DMRT1: variants seen among roughly 807,000 people sequenced by gnomAD.
The protein encoded by DMRT1 is doublesex and mab-3 related transcription factor 1.
A neutral mutation model predicts 32.3 loss-of-function variants in DMRT1; 7 were observed. The ratio of observed to expected loss-of-function variants is 0.22; its 90% CI spans 0.12 to 0.41. DMRT1 has a LOEUF of 0.41. DMRT1 is among the 10% of genes least tolerant of loss of function. The pLI, the probability that DMRT1 is intolerant of heterozygous loss-of-function variation, is 1.00. For synonymous variants in DMRT1, 278 were observed against 206.1 expected (o/e 1.35, Z -2.99); for missense variants, 625 against 500.5 (o/e 1.25, Z -2.37).
At chr9:856,870 C>T (rs1228519211) in intron 2 of DMRT1, among the ~76,000 whole-genome samples, 1 of 152,164 alleles carries the variant, frequency 6.6e-6, no homozygotes, top group Non-Finnish European at 1.5e-5. Flanking sequence ...ATGAGGGTTC[C>T]AGAAAATTGA....
chr9:876,142 G>T (rs541699491), intron 2 of DMRT1, among the ~76,000 whole-genome samples: 1 of 152,184 alleles, frequency 6.6e-6, no homozygotes, highest in South Asian at 2.1e-4. Context: ...TTCTTACCTG[G>T]TTCCGAGTAG....
chr9:846,665 C>G (rs1041713538), intron 1 of DMRT1, among the ~76,000 whole-genome samples: 1 of 152,212 alleles, frequency 6.6e-6, no homozygotes, highest in Non-Finnish European at 1.5e-5. Flanking sequence ...ACCGTAGCCT[C>G]AAACTCCTGG....
chr9:844,654 CTG>C (rs1423606475), intron 1 of DMRT1, among the ~76,000 whole-genome samples: 3 of 151,184 alleles, frequency 2.0e-5, no homozygotes, highest in African/African-American at 4.8e-5. Flanking sequence ...AATCAGCTTC[CTG>C]TGTTTGGACT....
chr9:862,866 A>T (rs576924142), intron 2 of DMRT1, among the ~76,000 whole-genome samples: 2 of 152,252 alleles, frequency 1.3e-5, no homozygotes, highest in Admixed American at 1.3e-4. Context: ...ACGGCCTCCC[A>T]AAAGATGCCT....
chr9:857,783 C>G (rs1306019973), intron 2 of DMRT1, among the ~76,000 whole-genome samples: 2 of 119,390 alleles, frequency 1.7e-5, no homozygotes, highest in Non-Finnish European at 3.4e-5. Flanking sequence ...CCCCTCCCCC[C>G]ACCCCACAAC....
chr9:966,420 G>A (rs72701074), intron 4 of DMRT1, among the ~76,000 whole-genome samples: 2 of 152,170 alleles, frequency 1.3e-5, no homozygotes, highest in African/African-American at 2.4e-5. Flanking sequence ...CCTTATTAAA[G>A]ACTAAACAAA....
intron 4 of DMRT1, among the ~76,000 whole-genome samples, chr9:935,602 A>G (rs75588559): frequency 2.4e-3 from 372 of 152,338 alleles, no homozygotes; most frequent in Non-Finnish European, 4.0e-3. Context: ...CTACATTTCT[A>G]TCAGCACTTG....
chr9:879,981 A>C (rs1173327111), intron 2 of DMRT1, among the ~76,000 whole-genome samples: 1 of 152,238 alleles, frequency 6.6e-6, no homozygotes, highest in Non-Finnish European at 1.5e-5. Flanking sequence ...TGTCATCCAC[A>C]TAGTGGGGGG....
Position 891,605 on chromosome 9 carries a change from C to T in DMRT1, c.539-2307C>T, listed in dbSNP as rs543811381. 3.3e-5 allele frequency among the ~76,000 whole-genome samples: 5 copies of T among 151,750 alleles called. No individual in the cohort carries two copies. In the East Asian group the frequency reaches 9.7e-4, roughly 30 times the overall value. ...TATCGTCTCACTCCAACCTCTGTCT[C>T]CCAGGTTCAAGCGATTCTCCTGCCT... is the stretch of plus-strand genomic sequence containing the variant. On this transcript the variant is annotated intron_variant, in intron 2 of 4. Coordinates refer to ENST00000382276, the MANE Select transcript of DMRT1 (RefSeq NM_021951.3).
chr9:847,254 AG>A (rs1310478297), intron 2 of DMRT1, 111 bp downstream of exon 2: 31 of 1,176,676 alleles, frequency 2.6e-5, no homozygotes, highest in Non-Finnish European at 3.4e-5. Context: ...TAGAGCTTAG[AG>A]GATTCTGTAG....
intron 2 of DMRT1, among the ~76,000 whole-genome samples, chr9:847,350 C>A (rs909756081): frequency 6.6e-6 from 1 of 152,182 alleles, no homozygotes; most frequent in African/African-American, 2.4e-5. Flanking sequence ...CAACTCTTTC[C>A]TGTTGGTTAT....
At chr9:845,737 A>G (rs1838876419) in intron 1 of DMRT1, among the ~76,000 whole-genome samples, 1 of 151,508 alleles carries the variant, frequency 6.6e-6, no homozygotes, top group Non-Finnish European at 1.5e-5. Context: ...CCTCCACCCC[A>G]GGAATCAGGG....
intron 4 of DMRT1, among the ~76,000 whole-genome samples, chr9:928,736 ATTTAAG>A (rs1339557016): frequency 6.6e-6 from 1 of 152,250 alleles, no homozygotes; most frequent in African/African-American, 2.4e-5. Flanking sequence ...ACTCAGTTAA[ATTTAAG>A]TTTAAGATGT....
chr9:893,402 A>G (rs1346613330), intron 2 of DMRT1, among the ~76,000 whole-genome samples: 1 of 152,264 alleles, frequency 6.6e-6, no homozygotes, highest in Non-Finnish European at 1.5e-5. Flanking sequence ...TTACACTAGA[A>G]GTTTGCCCCT....
intron 2 of DMRT1, among the ~76,000 whole-genome samples, chr9:849,472 A>G (rs1839046804): frequency 6.6e-6 from 1 of 152,220 alleles, no homozygotes; most frequent in Non-Finnish European, 1.5e-5. Flanking sequence ...GTGGCATAAC[A>G]TCAAGGTTTG....
At chr9:876,817 A>G (rs7044608) in intron 2 of DMRT1, among the ~76,000 whole-genome samples, 92,724 of 150,668 alleles carry the variant, frequency 0.62, 29,165 homozygotes, top group East Asian at 0.67. Context: ...AGGCATGACC[A>G]CTGTGCCCAG....
At chr9:904,699 C>A (rs187806762) in intron 3 of DMRT1, among the ~76,000 whole-genome samples, 3 of 152,322 alleles carry the variant, frequency 2.0e-5, no homozygotes, top group Non-Finnish European at 4.4e-5. Flanking sequence ...AATCCCAGCA[C>A]TTTGGGAGGC....
intron 4 of DMRT1, among the ~76,000 whole-genome samples, chr9:937,909 A>G (rs1313272545): frequency 2.0e-5 from 3 of 152,046 alleles, no homozygotes; most frequent in African/African-American, 7.2e-5. Flanking sequence ...GTCATATTTA[A>G]GAAACCATTG....
chr9:942,116 A>G (rs1362477968), intron 4 of DMRT1, among the ~76,000 whole-genome samples: 1 of 152,194 alleles, frequency 6.6e-6, no homozygotes, highest in African/African-American at 2.4e-5. Flanking sequence ...TTGGTATTTG[A>G]ATAAAATTGC....
Sources: gnomAD v4.1 joint callset for allele counts (sites outside exome capture counted in the v4.1 genomes callset) on GRCh38, gnomAD v4.1.1 for gene constraint, MANE v1.5 for transcripts, NCBI Gene and HGNC (gene_info 2026-07-23, HGNC 2026-07-21) for gene names.